Variants in PTPN12 observed in about 807,000 individuals in gnomAD.
The protein encoded by PTPN12 is protein tyrosine phosphatase non-receptor type 12, also known as tyrosine-protein phosphatase non-receptor type 12.
In PTPN12, 29 loss-of-function variants were observed where a neutral mutation model predicts 97.6. The observed-to-expected ratio is 0.30, with a 90% CI of 0.22 to 0.41. PTPN12 has a LOEUF of 0.41. PTPN12 is among the 10% of genes least tolerant of loss of function. PTPN12 has a pLI of 1.00. For synonymous variants in PTPN12, 327 were observed against 300.4 expected (o/e 1.09, Z -0.91); for missense variants, 819 against 926.0 (o/e 0.88, Z 1.50).
chr7:77,601,162 T>A (rs1488235672), intron 8 of PTPN12, among the ~76,000 whole-genome samples: 1 of 152,166 alleles, frequency 6.6e-6, no homozygotes, highest in African/African-American at 2.4e-5. Flanking sequence ...CCTGAAACAA[T>A]GACCAAGCAA....
At chr7:77,625,194 T>C (rs1260411096) in intron 12 of PTPN12, among the ~76,000 whole-genome samples, 2 of 151,046 alleles carry the variant, frequency 1.3e-5, no homozygotes, top group African/African-American at 2.4e-5. Flanking sequence ...TTGCTTCATA[T>C]AAAGTTCTTA....
chr7:77,590,911 C>T (rs1011114459), intron 5 of PTPN12, among the ~76,000 whole-genome samples: 14 of 152,050 alleles, frequency 9.2e-5, no homozygotes, highest in Non-Finnish European at 1.8e-4. Flanking sequence ...GTGGCACACG[C>T]CTGTGGTCCC....
intron 1 of PTPN12, among the ~76,000 whole-genome samples, chr7:77,565,297 G>C (rs370749865): frequency 7.2e-5 from 11 of 152,162 alleles, no homozygotes; most frequent in African/African-American, 2.7e-4. Context: ...TTTAACGCTT[G>C]TCTGTCTAAA....
At chr7:77,608,952 G>A (rs1788466212) in intron 9 of PTPN12, among the ~76,000 whole-genome samples, 1 of 152,204 alleles carries the variant, frequency 6.6e-6, no homozygotes, top group African/African-American at 2.4e-5. Flanking sequence ...TAGGTGCCAT[G>A]GCTTATGCCA....
intron 13 of PTPN12, among the ~76,000 whole-genome samples, chr7:77,630,767 G>A (rs1442651651): frequency 6.6e-6 from 1 of 152,146 alleles, no homozygotes; most frequent in Non-Finnish European, 1.5e-5. Context: ...TAGGCCTCCT[G>A]AAAGATTTCT....
At chr7:77,564,746 G>GTTTTTTTTTGTTTTTTTTTTT (rs1808166942) in intron 1 of PTPN12, among the ~76,000 whole-genome samples, 1 of 45,370 alleles carries the variant, frequency 2.2e-5, no homozygotes, top group Non-Finnish European at 3.8e-5. Context: ...TTGTTGTCGT[G>GTTTTTTTTTGTTTTTTTTTTT]TTTTTTTTTT....
At chr7:77,578,311 A>G (rs970297759) in intron 2 of PTPN12, among the ~76,000 whole-genome samples, 3 of 152,104 alleles carry the variant, frequency 2.0e-5, no homozygotes, top group African/African-American at 7.2e-5. Flanking sequence ...TTCTATTCTC[A>G]TTTTCCAGAG....
intron 11 of PTPN12, among the ~76,000 whole-genome samples, chr7:77,613,045 A>AT (rs940200795): frequency 6.6e-6 from 1 of 151,592 alleles, no homozygotes; most frequent in Non-Finnish European, 1.5e-5. Flanking sequence ...TGCTAGGATT[A>AT]TAGGTGTGAG....
At position 77,635,793 on chromosome 7, in the gene PTPN12, A is replaced by G. The variant is rs1584229606; in HGVS notation, c.2086A>G (p.Arg696Gly). Residue 696 changes from arginine (R) to glycine (G), a missense_variant, in exon 15 of 18, where the codon AGA becomes GGA. By Grantham distance (125) the Arg-to-Gly change is moderately radical. This residue lies in a region of PTPN12 where 607 missense variants were observed against 577.3 expected (regional missense o/e 1.05). Coordinates refer to ENST00000248594, the MANE Select transcript of PTPN12 (RefSeq NM_002835.4). ...VLASEHNTPV[R>G]SEWSELQSQE... is the part of the protein sequence containing the mutation. The stretch of plus-strand genomic sequence containing the variant: ...TTCATTTTTCTCAGATACACCTGTA[A>G]GATCGGAATGGAGTGAACTTCAAAG... 6.3e-7 allele frequency: 1 copy of G among 1,599,872 alleles called. No homozygotes were observed. Among genetic ancestry groups the G allele is most frequent in the Non-Finnish European group, 8.5e-7 (1 of 1,174,350 alleles).
At chr7:77,619,899 A>G (rs1467725898) in intron 12 of PTPN12, among the ~76,000 whole-genome samples, 1 of 152,210 alleles carries the variant, frequency 6.6e-6, no homozygotes, top group African/African-American at 2.4e-5. Context: ...ACTGTGTGCT[A>G]TCAGAACTTT....
At chr7:77,570,900 T>C (rs953281335) in intron 1 of PTPN12, among the ~76,000 whole-genome samples, 178 bp from the exon 2 acceptor site, 3 of 152,256 alleles carry the variant, frequency 2.0e-5, no homozygotes, top group African/African-American at 4.8e-5. Flanking sequence ...ATGAATCTTA[T>C]GTTTGCACTT....
At chr7:77,617,153 A>G (rs1029695647) in intron 11 of PTPN12, among the ~76,000 whole-genome samples, 1 of 152,164 alleles carries the variant, frequency 6.6e-6, no homozygotes, top group African/African-American at 2.4e-5. Context: ...TTTGGCGACC[A>G]AAAGTCCTGA....
intron 6 of PTPN12, among the ~76,000 whole-genome samples, chr7:77,597,456 A>G (rs570293122): frequency 6.6e-6 from 1 of 152,326 alleles, no homozygotes; most frequent in African/African-American, 2.4e-5. Context: ...TACAGTATGT[A>G]GCCTTTTCAG....
chr7:77,634,770 G>A (rs900191872), intron 14 of PTPN12, among the ~76,000 whole-genome samples: 1 of 151,448 alleles, frequency 6.6e-6, no homozygotes, highest in Admixed American at 6.6e-5. Flanking sequence ...AGTAGAGACA[G>A]GGTTTCACCA....
At chr7:77,604,872 T>C (rs956423294) in intron 8 of PTPN12, 31 of 434,908 alleles carry the variant, frequency 7.1e-5, no homozygotes, top group Non-Finnish European at 7.9e-5. Context: ...TTGCTCTTCA[T>C]TGATAGCTAA....
At position 77,610,801 on chromosome 7, in the gene PTPN12, C is replaced by A. The variant is rs750423017; in HGVS notation, c.799C>A (p.Gln267Lys). ...PEEFNVFNLI[Q>K]EMRTQRHSAV... ...GGAATTTAATGTATTTAATTTAATA[C>A]AAGAAATGAGAACACAAAGGCATTC... The change falls in exon 10 of 18, where the codon CAA becomes AAA. Residue 267 changes from glutamine (Q) to lysine (K), a missense_variant. By Grantham distance (53) the Gln-to-Lys change is moderately conservative. Transcript: ENST00000248594. The A allele has an allele frequency of 2.5e-6, 4 of 1,607,858 alleles. No individual in the cohort carries two copies. The highest frequency in any genetic ancestry group is 3.4e-6 in the Non-Finnish European group (4 of 1,178,740).
intron 3 of PTPN12, 82 bp downstream of exon 3, chr7:77,581,585 C>A: frequency 1.4e-6 from 1 of 723,960 alleles, no homozygotes; most frequent in South Asian, 2.3e-5. Context: ...TTTTGAATTG[C>A]TCAAACATGA....
intron 8 of PTPN12, chr7:77,606,912 G>A (rs1788394395): frequency 1.1e-5 from 2 of 183,146 alleles, no homozygotes; most frequent in South Asian, 2.1e-4. Context: ...CAGTAGTGAG[G>A]TAGTGACTAG....
chr7:77,610,328 C>G (rs990514481), intron 9 of PTPN12, among the ~76,000 whole-genome samples: 1 of 152,206 alleles, frequency 6.6e-6, no homozygotes, highest in African/African-American at 2.4e-5. Flanking sequence ...CTTATCTTCT[C>G]TCCTCCTTTG....
Sources: gnomAD v4.1 joint callset for allele counts (sites outside exome capture counted in the v4.1 genomes callset) on GRCh38, gnomAD v4.1.1 for gene constraint, gnomAD v4.1.1 regional missense constraint, MANE v1.5 for transcripts, NCBI Gene and HGNC (gene_info 2026-07-23, HGNC 2026-07-21) for gene names.